TSPAN9: variants seen among roughly 807,000 people sequenced by gnomAD.
The protein encoded by TSPAN9 is tetraspanin-9.
TSPAN9 carries 16 observed loss-of-function variants against 31.0 expected under a neutral mutation model. The observed-to-expected ratio is 0.52, with a 90% CI of 0.35 to 0.78. The LOEUF (loss-of-function observed/expected upper bound fraction) is 0.78, where lower values mean the gene tolerates loss of function less well. Among genes scored for constraint, TSPAN9 ranks in the 30% least tolerant of loss-of-function variants. The pLI, the probability that TSPAN9 is intolerant of heterozygous loss-of-function variation, is 0.01. For synonymous variants in TSPAN9, 145 were observed against 121.6 expected (o/e 1.19, Z -1.27); for missense variants, 272 against 312.5 (o/e 0.87, Z 0.98).
intron 2 of TSPAN9, among the ~76,000 whole-genome samples, chr12:3,142,717 G>A (rs931137869): frequency 1.3e-5 from 2 of 152,144 alleles, no homozygotes; most frequent in Non-Finnish European, 2.9e-5. Flanking sequence ...CCCTGTGTGC[G>A]TGCTGCACCT....
intron 2 of TSPAN9, among the ~76,000 whole-genome samples, chr12:3,180,811 GTCTTAGGA>G (rs541742280): frequency 6.6e-6 from 1 of 152,252 alleles, no homozygotes; most frequent in African/African-American, 2.4e-5. Context: ...TGAGACAGAG[GTCTTAGGA>G]TCTTAGGTTA....
At chr12:3,111,514 A>G (rs2098318667) in intron 2 of TSPAN9, among the ~76,000 whole-genome samples, 3 of 152,048 alleles carry the variant, frequency 2.0e-5, no homozygotes, top group South Asian at 4.1e-4. Flanking sequence ...TAAATGAGAT[A>G]TGTATTTAAA....
chr12:3,135,452 C>A (rs1416829979), intron 2 of TSPAN9, among the ~76,000 whole-genome samples: 2 of 152,172 alleles, frequency 1.3e-5, no homozygotes, highest in African/African-American at 4.8e-5. Context: ...GGAGGATAGG[C>A]AGCAGGCTTT....
chr12:3,224,149 C>A (rs893505481), intron 3 of TSPAN9, among the ~76,000 whole-genome samples: 2 of 152,126 alleles, frequency 1.3e-5, no homozygotes, highest in Non-Finnish European at 2.9e-5. Flanking sequence ...GAATCCTTAC[C>A]GCCTCAGACA....
chr12:3,194,045 G>C (rs2098365867), intron 2 of TSPAN9, among the ~76,000 whole-genome samples: 1 of 152,198 alleles, frequency 6.6e-6, no homozygotes, highest in Non-Finnish European at 1.5e-5. Context: ...CCATCCTTTA[G>C]TTAATGAACT....
At chr12:3,195,990 G>A (rs1383288558) in intron 2 of TSPAN9, among the ~76,000 whole-genome samples, 1 of 152,224 alleles carries the variant, frequency 6.6e-6, no homozygotes, top group Admixed American at 6.5e-5. Context: ...GCAGTCGTGA[G>A]TGGGGGTAGA....
chr12:3,205,000 G>T (rs2098374177), intron 3 of TSPAN9, among the ~76,000 whole-genome samples: 1 of 152,110 alleles, frequency 6.6e-6, no homozygotes, highest in African/African-American at 2.4e-5. Context: ...GAGCGTATAG[G>T]GGTGGGCTGG....
chr12:3,202,940 T>A (rs904607058), intron 3 of TSPAN9, among the ~76,000 whole-genome samples: 2 of 152,244 alleles, frequency 1.3e-5, no homozygotes, highest in African/African-American at 4.8e-5. Context: ...TCTGCCAGCA[T>A]CTGTCAGCCA....
At chr12:3,263,588 C>T (rs1011347250) in intron 3 of TSPAN9, among the ~76,000 whole-genome samples, 1 of 152,204 alleles carries the variant, frequency 6.6e-6, no homozygotes, top group African/African-American at 2.4e-5. Context: ...TTCCCACTTC[C>T]CTCCTTCACT....
intron 2 of TSPAN9, among the ~76,000 whole-genome samples, chr12:3,160,052 C>G (rs1388899256): frequency 6.6e-6 from 1 of 152,202 alleles, no homozygotes; most frequent in East Asian, 1.9e-4. Flanking sequence ...CAGAAAGAAA[C>G]CCCATACCCA....
chr12:3,086,385 C>A (rs1591620252), intron 2 of TSPAN9, among the ~76,000 whole-genome samples: 1 of 152,086 alleles, frequency 6.6e-6, no homozygotes, highest in South Asian at 2.1e-4. Flanking sequence ...ATTTACCACA[C>A]CCCTTCCGCC....
At position 3,250,599 on chromosome 12, in the gene TSPAN9, C is replaced by A. The variant is rs566652064; in HGVS notation, c.64-27822C>A. Among the ~76,000 whole-genome samples, 5 of 152,348 alleles carry A rather than the reference C, an allele frequency of 3.3e-5. No individual in the cohort carries two copies. In the South Asian group the frequency reaches 1.0e-3, roughly 32 times the overall value. On this transcript the variant is annotated intron_variant, in intron 3 of 8. Coordinates refer to ENST00000011898, the MANE Select transcript of TSPAN9 (RefSeq NM_006675.5). ...AGCTCCACACACAGGAAGACCTTCT[C>A]ATTGCACAGGTAGCCCAAGACGCCC...
At chr12:3,274,170 G>A (rs1042842464) in intron 3 of TSPAN9, among the ~76,000 whole-genome samples, 5 of 152,294 alleles carry the variant, frequency 3.3e-5, no homozygotes, top group African/African-American at 1.2e-4. Flanking sequence ...GCCAGGAGCA[G>A]CCCCTCCCAT....
Position 3,182,615 on chromosome 12 carries a change from C to T in TSPAN9, c.-17-18562C>T, listed in dbSNP as rs114698558. On this transcript the variant is annotated intron_variant, in intron 2 of 8. Coordinates refer to ENST00000011898, the MANE Select transcript of TSPAN9 (RefSeq NM_006675.5). ...TGCTAAAGGTAACTCAGCAGGAATACAACTGGCACCCCATTCTCTTGCAGC... is the reference window on the plus strand; with the variant it reads ...TGCTAAAGGTAACTCAGCAGGAATATAACTGGCACCCCATTCTCTTGCAGC... Among the ~76,000 whole-genome samples the T allele has an allele frequency of 1.1e-3, 173 of 152,274 alleles. 1 individual carries two copies. Among genetic ancestry groups the T allele is most frequent in the African/African-American group, 4.1e-3 (171 of 41,556 alleles).
intron 2 of TSPAN9, among the ~76,000 whole-genome samples, chr12:3,086,171 C>T (rs1328077015): frequency 6.6e-6 from 1 of 152,198 alleles, no homozygotes; most frequent in Admixed American, 6.5e-5. Context: ...CAAACTCTCT[C>T]CTTGCTCTCA....
At chr12:3,171,643 C>G (rs1362249841) in intron 2 of TSPAN9, 1 of 152,134 alleles carries the variant, frequency 6.6e-6, no homozygotes, top group African/African-American at 2.4e-5. Context: ...TAGAAAATGC[C>G]CAGTAAATTC....
intron 2 of TSPAN9, among the ~76,000 whole-genome samples, chr12:3,190,701 C>G (rs552701450): frequency 6.6e-6 from 1 of 152,230 alleles, no homozygotes; most frequent in Non-Finnish European, 1.5e-5. Context: ...TAAACCTTCT[C>G]TAAGAGGAGA....
chr12:3,213,280 G>C (rs1175152929), intron 3 of TSPAN9, among the ~76,000 whole-genome samples: 1 of 152,188 alleles, frequency 6.6e-6, no homozygotes, highest in African/African-American at 2.4e-5. Context: ...TGTGCCTTCT[G>C]TTCTCTGTAC....
chr12:3,265,976 GGT>G (rs1565638227), intron 3 of TSPAN9, among the ~76,000 whole-genome samples: 1 of 152,162 alleles, frequency 6.6e-6, no homozygotes, highest in Non-Finnish European at 1.5e-5. Flanking sequence ...CTCAGTTCTT[GGT>G]GTGTGATACG....
Sources: allele counts gnomAD v4.1 joint callset (sites outside exome capture counted in the v4.1 genomes callset), GRCh38; gene constraint gnomAD v4.1.1; transcripts MANE v1.5; gene names NCBI Gene and HGNC (gene_info 2026-07-23, HGNC 2026-07-21).